ERC1: variants seen among roughly 807,000 people sequenced by gnomAD.
The protein encoded by ERC1 is RAB6 interacting protein 2.
Under a neutral mutation model 132.0 loss-of-function variants are expected in ERC1, and 56 were observed. The observed-to-expected ratio is 0.42, with a 90% confidence interval of 0.34 to 0.53. ERC1 has a LOEUF of 0.53. Among genes scored for constraint, ERC1 ranks in the 20% least tolerant of loss-of-function variants. The pLI, the probability that ERC1 is intolerant of heterozygous loss-of-function variation, is 0.03. For synonymous variants in ERC1, 478 were observed against 476.1 expected (o/e 1.00, Z -0.05); for missense variants, 1,202 against 1,349.9 (o/e 0.89, Z 1.72).
intron 8 of ERC1, among the ~76,000 whole-genome samples, chr12:1,157,253 C>T (rs1316257193): frequency 6.6e-6 from 1 of 152,194 alleles, no homozygotes; most frequent in Non-Finnish European, 1.5e-5. Flanking sequence ...CAGCCGCACA[C>T]ACCACCATGT....
At chr12:1,179,570 G>C (rs551454010) in intron 8 of ERC1, among the ~76,000 whole-genome samples, 16 of 146,628 alleles carry the variant, frequency 1.1e-4, no homozygotes, top group East Asian at 5.9e-4. Flanking sequence ...TGCAGTGGCG[G>C]GATCTCGGCT....
At chr12:1,003,763 A>G (rs1014065254) in intron 1 of ERC1, among the ~76,000 whole-genome samples, 1 of 152,242 alleles carries the variant, frequency 6.6e-6, no homozygotes, top group African/African-American at 2.4e-5. Flanking sequence ...AGACTCAGAC[A>G]GTTTATCTGT....
chr12:1,219,029 C>T (rs1368397564), intron 12 of ERC1, among the ~76,000 whole-genome samples: 2 of 151,870 alleles, frequency 1.3e-5, no homozygotes, highest in Admixed American at 6.6e-5. Context: ...TGCACCACCA[C>T]GCCTGGCTAA....
chr12:1,375,974 G>A (rs1263144882), intron 16 of ERC1, among the ~76,000 whole-genome samples: 1 of 152,000 alleles, frequency 6.6e-6, no homozygotes, highest in East Asian at 1.9e-4. Flanking sequence ...CAGACCTCGT[G>A]ATCCACCTGT....
At chr12:1,121,717 ATCTCTATCTCTATCTC>A (rs1947182004) in intron 7 of ERC1, among the ~76,000 whole-genome samples, 1 of 5,540 alleles carries the variant, frequency 1.8e-4, no homozygotes, top group African/African-American at 3.2e-4. Flanking sequence ...CTGTGTCTCT[ATCTCTATCTCTATCTC>A]TATCTCTATC....
chr12:1,475,697 A>G (rs2154429549), intron 18 of ERC1, among the ~76,000 whole-genome samples: 1 of 152,340 alleles, frequency 6.6e-6, no homozygotes, highest in East Asian at 1.9e-4. Context: ...ATCATTTAAG[A>G]TGTTGGAAGA....
intron 2 of ERC1, among the ~76,000 whole-genome samples, chr12:1,082,409 C>T (rs1281804723): frequency 6.6e-6 from 1 of 151,594 alleles, no homozygotes; most frequent in Non-Finnish European, 1.5e-5. Context: ...CTGCCTCGGC[C>T]TCCCAAAGTG....
intron 8 of ERC1, among the ~76,000 whole-genome samples, chr12:1,161,030 G>A (rs1951839548): frequency 6.6e-6 from 1 of 152,166 alleles, no homozygotes; most frequent in Non-Finnish European, 1.5e-5. Flanking sequence ...TCCTTAATGA[G>A]TACATTTGTA....
chr12:1,492,088 C>G lies in ERC1; in HGVS notation c.*1858C>G. 1 of 233,156 alleles carries G rather than the reference C, an allele frequency of 4.3e-6. No individual in the cohort carries two copies. The highest frequency in any genetic ancestry group is 8.5e-6 in the Non-Finnish European group (1 of 117,978). The allele number at this position is 233,156 out of a possible 1,614,324, so 14.4% of individuals were successfully genotyped here. A position where few individuals can be genotyped will look rare whatever the true frequency, so the allele number is the denominator to read the frequency against. ...CTGACATGGTCAGATTTCCAGCTCC[C>G]CCTACTCCCTGCTGTGAAACAATCC... On this transcript the variant is annotated 3_prime_UTR_variant, in exon 19 of 19. Coordinates refer to ENST00000360905, the MANE Select transcript of ERC1 (RefSeq NM_178040.4).
chr12:1,195,140 T>G (rs554135575), intron 12 of ERC1, among the ~76,000 whole-genome samples: 2 of 152,192 alleles, frequency 1.3e-5, no homozygotes, highest in Admixed American at 1.3e-4. Context: ...TACAATAAAA[T>G]GCACCCATTT....
chr12:1,203,673 C>A (rs940825896), intron 12 of ERC1, among the ~76,000 whole-genome samples: 3 of 152,142 alleles, frequency 2.0e-5, no homozygotes, highest in Admixed American at 2.0e-4. Context: ...TCGTTAGAAG[C>A]CCTAACTATT....
chr12:1,445,044 G>A, intron 18 of ERC1: 1 of 295,182 alleles, frequency 3.4e-6, no homozygotes, highest in Non-Finnish European at 6.3e-6. Context: ...AAAAATGTAT[G>A]TTTCTCATGT....
chr12:1,017,495 A>AT (rs67654163), intron 1 of ERC1, among the ~76,000 whole-genome samples: 10,144 of 124,828 alleles, frequency 0.081, 579 homozygotes, highest in East Asian at 0.19. Flanking sequence ...TTGTTCTGGT[A>AT]TTTTTTTTTT....
chr12:1,101,033 G>C (rs1229304851), intron 3 of ERC1, among the ~76,000 whole-genome samples: 1 of 152,134 alleles, frequency 6.6e-6, no homozygotes, highest in Non-Finnish European at 1.5e-5. Flanking sequence ...GAGCAGTTGG[G>C]TAAAATGCTG....
intron 15 of ERC1, among the ~76,000 whole-genome samples, chr12:1,353,193 G>C (rs2085192851): frequency 6.6e-6 from 1 of 151,978 alleles, no homozygotes; most frequent in Admixed American, 6.6e-5. Flanking sequence ...ACCACACCCA[G>C]CTAATTTTTT....
chr12:1,478,115 G>A (rs924973144), intron 18 of ERC1, among the ~76,000 whole-genome samples: 1 of 152,184 alleles, frequency 6.6e-6, no homozygotes, highest in Non-Finnish European at 1.5e-5. Flanking sequence ...AACTTTAGTA[G>A]ATACTGCCAG....
At chr12:1,330,640 A>G (rs1468315195) in intron 15 of ERC1, among the ~76,000 whole-genome samples, 2 of 151,880 alleles carry the variant, frequency 1.3e-5, no homozygotes, top group African/African-American at 2.4e-5. Context: ...CCCCTTCCCT[A>G]ACTTCTGACA....
rs541749505 is a variant in ERC1 at position 1,396,342 on chromosome 12, C to T, written c.2926-11807C>T. Reference sequence around the variant, plus strand: ...CCAAAAAATATATGTCGTCCTTAATCGTAGGAAAGGTGGGAGCTACAAACC... The same window carrying T: ...CCAAAAAATATATGTCGTCCTTAATTGTAGGAAAGGTGGGAGCTACAAACC... On this transcript the variant is annotated intron_variant, in intron 16 of 18. Transcript: ENST00000360905. Among the ~76,000 whole-genome samples, 122 of 152,220 alleles carry T rather than the reference C, an allele frequency of 8.0e-4. 1 individual carries two copies. Among genetic ancestry groups the T allele is most frequent in the African/African-American group, 2.8e-3 (116 of 41,534 alleles).
At chr12:1,382,537 TTG>T (rs1226540128) in intron 16 of ERC1, among the ~76,000 whole-genome samples, 1 of 152,272 alleles carries the variant, frequency 6.6e-6, no homozygotes, top group Non-Finnish European at 1.5e-5. Flanking sequence ...GCTGATTTAA[TTG>T]TGTTTGTTTT....
Sources: gnomAD v4.1 joint callset for allele counts (sites outside exome capture counted in the v4.1 genomes callset) on GRCh38, gnomAD v4.1.1 for gene constraint, MANE v1.5 for transcripts, NCBI Gene and HGNC (gene_info 2026-07-23, HGNC 2026-07-21) for gene names.